Variants in TRIQK observed in about 807,000 individuals in gnomAD.
TRIQK encodes triple QxxK/R motif containing.
In TRIQK, 10 loss-of-function variants were observed where a neutral mutation model predicts 10.8. The observed-to-expected ratio is 0.92, with a 90% CI of 0.57 to 1.57. TRIQK has a LOEUF of 1.57. TRIQK is among the 40% of genes most tolerant of loss of function. The probability of loss-of-function intolerance (pLI) is 0.00; values close to 1 mark genes in which losing one functional copy is unlikely to be tolerated. For synonymous variants in TRIQK, 33 were observed against 33.7 expected (o/e 0.98, Z 0.07); for missense variants, 107 against 97.7 (o/e 1.09, Z -0.40).
intron 2 of TRIQK, among the ~76,000 whole-genome samples, chr8:92,925,935 G>C (rs1159301724): frequency 6.6e-6 from 1 of 152,008 alleles, no homozygotes; most frequent in African/African-American, 2.4e-5. Context: ...GTTGAAAATT[G>C]GGGGCATGGT....
chr8:92,946,274 C>A (rs74461325), intron 2 of TRIQK, among the ~76,000 whole-genome samples: 20 of 152,088 alleles, frequency 1.3e-4, no homozygotes, highest in Admixed American at 3.3e-4. Flanking sequence ...GATCTCCCCC[C>A]CTAAATATGG....
chr8:92,960,821 T>A (rs539641113), intron 1 of TRIQK: 2 of 152,348 alleles, frequency 1.3e-5, no homozygotes, highest in African/African-American at 2.4e-5. Context: ...TATATCAGAC[T>A]TCTGAACCAC....
At chr8:93,014,088 A>T (rs1034916196) in intron 1 of TRIQK, among the ~76,000 whole-genome samples, 1 of 152,314 alleles carries the variant, frequency 6.6e-6, no homozygotes. Context: ...GTTAAACAAA[A>T]TGTGAAACAG....
At chr8:92,916,870 G>T in intron 3 of TRIQK, 59 bp downstream of exon 3, 1 of 1,177,960 alleles carries the variant, frequency 8.5e-7, no homozygotes, top group Non-Finnish European at 1.1e-6. Flanking sequence ...TTCTTAATAT[G>T]CATAATTGTG....
At chr8:92,906,140 G>C (rs754516121) in intron 3 of TRIQK, among the ~76,000 whole-genome samples, 22 of 152,134 alleles carry the variant, frequency 1.4e-4, no homozygotes, top group Non-Finnish European at 2.9e-4. Flanking sequence ...AATTTGAGTA[G>C]TATATTTTGT....
Position 92,884,660 on chromosome 8 carries a change from C to A in TRIQK, c.*1962G>T. 2 of 333,330 alleles carry A rather than the reference C, an allele frequency of 6.0e-6. No homozygotes were observed. Among genetic ancestry groups the A allele is most frequent in the African/African-American group, 2.2e-5 (1 of 46,316 alleles). The allele number at this position is 333,330 out of a possible 1,614,324, so 20.6% of individuals were successfully genotyped here. A position where few individuals can be genotyped will look rare whatever the true frequency, so the allele number is the denominator to read the frequency against. ...AAACATTTCCAAGACCATAACCAGC[C>A]ATTTTAAGTACTGTAAACTCTGTTA... is the stretch of plus-strand genomic sequence containing the variant. On this transcript the variant is annotated 3_prime_UTR_variant, in exon 5 of 5. Transcript: ENST00000521988.
chr8:92,955,685 G>T (rs1476254727), intron 1 of TRIQK, among the ~76,000 whole-genome samples: 1 of 151,526 alleles, frequency 6.6e-6, no homozygotes, highest in African/African-American at 2.4e-5. Context: ...TATAATAAAA[G>T]TCTTATATCC....
intron 1 of TRIQK, among the ~76,000 whole-genome samples, chr8:92,980,043 A>G (rs181017236): frequency 6.6e-6 from 1 of 152,214 alleles, no homozygotes; most frequent in East Asian, 1.9e-4. Flanking sequence ...CTCAAATTAG[A>G]AAGATTTATA....
At chr8:92,901,159 G>A (rs982143123) in intron 3 of TRIQK, among the ~76,000 whole-genome samples, 1 of 151,930 alleles carries the variant, frequency 6.6e-6, no homozygotes, top group African/African-American at 2.4e-5. Flanking sequence ...AAAGTCTTTT[G>A]TTTTTTCCAA....
intron 1 of TRIQK, among the ~76,000 whole-genome samples, chr8:93,014,990 A>G (rs1234957489): frequency 6.6e-6 from 1 of 152,074 alleles, no homozygotes; most frequent in Non-Finnish European, 1.5e-5. Context: ...CAACATTTTA[A>G]CATTTCCTCA....
chr8:93,012,919 G>T (rs534725090), intron 1 of TRIQK, among the ~76,000 whole-genome samples: 2 of 152,182 alleles, frequency 1.3e-5, no homozygotes, highest in Non-Finnish European at 2.9e-5. Flanking sequence ...AAGGGCTGGG[G>T]CTCAGTGGTC....
rs777119004 is a variant in TRIQK at position 92,884,846 on chromosome 8, T to TG, written c.*1775dup. On this transcript the variant is annotated 3_prime_UTR_variant, in exon 5 of 5. Transcript: ENST00000521988. ...ATTGTTCACGTAAATGTGATGGGAG[T>TG]GGGGGGGTGGGGAGCAGTATTTCTT... 11 of 452,020 alleles carry TG rather than the reference T, an allele frequency of 2.4e-5. No individual in the cohort carries two copies. Among genetic ancestry groups the TG allele is most frequent in the Admixed American group, 2.4e-5 (1 of 42,096 alleles). The allele number at this position is 452,020 out of a possible 1,614,324, so 28.0% of individuals were successfully genotyped here. A position where few individuals can be genotyped will look rare whatever the true frequency, so the allele number is the denominator to read the frequency against.
At chr8:92,888,954 A>T (rs1586361450) in intron 4 of TRIQK, among the ~76,000 whole-genome samples, 2 of 151,702 alleles carry the variant, frequency 1.3e-5, no homozygotes, top group Admixed American at 1.3e-4. Flanking sequence ...GTAATTCTTG[A>T]AAAAATAATC....
upstream of TRIQK, among the ~76,000 whole-genome samples, chr8:92,966,990 A>AAAG (rs1812776769): frequency 6.7e-6 from 1 of 149,598 alleles, no homozygotes; most frequent in Admixed American, 6.6e-5. Context: ...CAAAAAAAAA[A>AAAG]AAAAAAAAAA....
At chr8:93,010,213 A>G (rs1244669030) in intron 1 of TRIQK, among the ~76,000 whole-genome samples, 2 of 152,168 alleles carry the variant, frequency 1.3e-5, no homozygotes, top group Admixed American at 6.5e-5. Flanking sequence ...TAAGGTGACT[A>G]TAGATAACAA....
intron 2 of TRIQK, among the ~76,000 whole-genome samples, chr8:92,944,304 C>CA (rs56002665): frequency 0.62 from 83,198 of 134,626 alleles, 25,085 homozygotes; most frequent in Admixed American, 0.74. Context: ...GAAGGTTACT[C>CA]AAAAAAAAAA....
rs543406947 is a variant in TRIQK, at chr8:92,979,780, A to G, written c.-180-25216T>C. ...GTCCCTCATTTGTGAAAAAGCTTGC[A>G]TATTCATCTTGTATTTTCCCATTCA... is the stretch of plus-strand genomic sequence containing the variant. On this transcript the variant is annotated intron_variant, in intron 1 of 4. Coordinates refer to the TRIQK transcript ENST00000520686. 3.9e-5 allele frequency among the ~76,000 whole-genome samples: 6 copies of G among 152,184 alleles called. No homozygotes were observed. In the South Asian group the frequency reaches 1.2e-3, roughly 31 times the overall value.
At chr8:92,985,470 CAT>C (rs1314542526) in intron 1 of TRIQK, among the ~76,000 whole-genome samples, 1 of 152,108 alleles carries the variant, frequency 6.6e-6, no homozygotes, top group African/African-American at 2.4e-5. Context: ...AATTAATGAA[CAT>C]ATCTATTCCT....
At chr8:92,935,103 T>C (rs1445482353) in intron 2 of TRIQK, among the ~76,000 whole-genome samples, 1 of 151,740 alleles carries the variant, frequency 6.6e-6, no homozygotes, top group Non-Finnish European at 1.5e-5. Flanking sequence ...CTCTATCAAA[T>C]CTGTAATGCC....
Sources: allele counts gnomAD v4.1 joint callset (sites outside exome capture counted in the v4.1 genomes callset), GRCh38; gene constraint gnomAD v4.1.1; transcripts MANE v1.5; gene names NCBI Gene and HGNC (gene_info 2026-07-23, HGNC 2026-07-21).